TAFA4: variants seen among roughly 807,000 people sequenced by gnomAD.
TAFA4 encodes the protein TAFA chemokine like family member 4.
In TAFA4, 20 loss-of-function variants were observed where a neutral mutation model predicts 21.1. That is an observed-to-expected ratio of 0.95 (90% CI 0.67 to 1.38). TAFA4 has a LOEUF of 1.38. Among genes scored for constraint, TAFA4 ranks in the 40% most tolerant of loss-of-function variants. TAFA4 has a pLI of 0.00. For synonymous variants in TAFA4, 71 were observed against 67.4 expected (o/e 1.05, Z -0.26); for missense variants, 211 against 180.9 (o/e 1.17, Z -0.95).
chr3:68,842,208 G>A (rs568367969), intron 3 of TAFA4, among the ~76,000 whole-genome samples: 6 of 152,176 alleles, frequency 3.9e-5, no homozygotes, highest in South Asian at 4.1e-4. Flanking sequence ...TCCAGCATCT[G>A]TTGTTTCCTG....
chr3:68,919,524 C>T (rs910469813), intron 1 of TAFA4, among the ~76,000 whole-genome samples: 5 of 152,126 alleles, frequency 3.3e-5, no homozygotes, highest in Non-Finnish European at 7.3e-5. Context: ...CTTGCACCAG[C>T]GCTGTCCGAT....
chr3:68,826,365 C>T (rs1177064847), intron 3 of TAFA4, among the ~76,000 whole-genome samples: 4 of 152,030 alleles, frequency 2.6e-5, no homozygotes, highest in South Asian at 4.1e-4. Flanking sequence ...TAAGGTCAGC[C>T]GATCGAGACC....
intron 3 of TAFA4, among the ~76,000 whole-genome samples, chr3:68,849,846 C>T (rs1387585501): frequency 2.0e-5 from 3 of 152,208 alleles, no homozygotes; most frequent in Non-Finnish European, 4.4e-5. Flanking sequence ...TCAACTTCAA[C>T]AGCCCTCAAC....
chr3:68,925,161 A>T (rs1280114784), intron 1 of TAFA4, among the ~76,000 whole-genome samples: 1 of 152,136 alleles, frequency 6.6e-6, no homozygotes, highest in African/African-American at 2.4e-5. Flanking sequence ...AGCCCATGGT[A>T]ACCAATTTTA....
intron 3 of TAFA4, among the ~76,000 whole-genome samples, chr3:68,827,328 T>G (rs1396417910): frequency 5.9e-5 from 9 of 152,172 alleles, no homozygotes; most frequent in Non-Finnish European, 1.3e-4. Flanking sequence ...CTATTATGAA[T>G]AGTGCCACAA....
At chr3:68,739,235 G>C (rs574682267) in intron 4 of TAFA4, 36 bp from the exon 5 acceptor site, 1 of 1,611,242 alleles carries the variant, frequency 6.2e-7, no homozygotes. Flanking sequence ...TTGTGACACT[G>C]TTTCTTCCTC....
At chr3:68,890,715 C>G (rs2089721623) in intron 1 of TAFA4, among the ~76,000 whole-genome samples, 1 of 152,164 alleles carries the variant, frequency 6.6e-6, no homozygotes, top group Admixed American at 6.5e-5. Flanking sequence ...AGTTTCAGTT[C>G]TAGTAAAAGT....
At chr3:68,818,815 A>G (rs1474731904) in intron 3 of TAFA4, among the ~76,000 whole-genome samples, 1 of 152,226 alleles carries the variant, frequency 6.6e-6, no homozygotes, top group African/African-American at 2.4e-5. Context: ...ATCACTGATC[A>G]CAGATCACCA....
At chr3:68,823,803 T>C (rs530628821) in intron 3 of TAFA4, among the ~76,000 whole-genome samples, 64 of 152,350 alleles carry the variant, frequency 4.2e-4, no homozygotes, top group Non-Finnish European at 7.9e-4. Context: ...TATGGCTGCA[T>C]AGTATGCCCA....
At chr3:68,912,114 C>A (rs1190670614) in intron 1 of TAFA4, among the ~76,000 whole-genome samples, 1 of 152,136 alleles carries the variant, frequency 6.6e-6, no homozygotes, top group Non-Finnish European at 1.5e-5. Context: ...GAGAGTCAGT[C>A]TGTTATTTTC....
At chr3:68,792,762 A>G (rs1052321154) in intron 3 of TAFA4, among the ~76,000 whole-genome samples, 2 of 152,166 alleles carry the variant, frequency 1.3e-5, no homozygotes, top group African/African-American at 4.8e-5. Flanking sequence ...GATCTTTTCA[A>G]ATTAACTAGA....
intron 5 of TAFA4, among the ~76,000 whole-genome samples, chr3:68,736,375 A>C (rs746910483): frequency 1.3e-5 from 2 of 152,164 alleles, no homozygotes; most frequent in Non-Finnish European, 2.9e-5. Context: ...ACTCAGTGCC[A>C]ATATTTTATA....
intron 1 of TAFA4, among the ~76,000 whole-genome samples, chr3:68,918,468 G>A (rs941246366): frequency 6.6e-6 from 1 of 152,144 alleles, no homozygotes; most frequent in African/African-American, 2.4e-5. Flanking sequence ...CGAAAAAGAA[G>A]CTCTTGTTTT....
intron 4 of TAFA4, among the ~76,000 whole-genome samples, chr3:68,739,866 A>G (rs1702316887): frequency 6.6e-6 from 1 of 152,170 alleles, no homozygotes; most frequent in African/African-American, 2.4e-5. Flanking sequence ...GAAATTGGAG[A>G]CTTGGAAGGG....
chr3:68,739,006 T>A, intron 5 of TAFA4, 69 bp downstream of exon 5: 1 of 1,589,600 alleles, frequency 6.3e-7, no homozygotes, highest in Non-Finnish European at 8.6e-7. Flanking sequence ...GATGGCAGAA[T>A]AAAATCAAGG....
At chr3:68,766,999 AAGCATG>A (rs1221775053) in intron 3 of TAFA4, among the ~76,000 whole-genome samples, 1 of 152,162 alleles carries the variant, frequency 6.6e-6, no homozygotes, top group African/African-American at 2.4e-5. Flanking sequence ...ACTATCAATA[AAGCATG>A]AGACTTAGCA....
At chr3:68,749,529 C>A (rs889152163) in intron 4 of TAFA4, among the ~76,000 whole-genome samples, 10 of 152,048 alleles carry the variant, frequency 6.6e-5, no homozygotes, top group African/African-American at 2.4e-4. Context: ...GCAGGTAAAG[C>A]TAAAAAGCCC....
intron 5 of TAFA4, among the ~76,000 whole-genome samples, chr3:68,734,340 G>A (rs1206984304): frequency 6.6e-6 from 1 of 152,084 alleles, no homozygotes; most frequent in Non-Finnish European, 1.5e-5. Flanking sequence ...AGAGGAAGAG[G>A]TTGGATAAAC....
At chr3:68,810,258 T>C (rs1338670136) in intron 3 of TAFA4, among the ~76,000 whole-genome samples, 2 of 152,092 alleles carry the variant, frequency 1.3e-5, no homozygotes, top group Admixed American at 1.3e-4. Flanking sequence ...ACGCAGAAGA[T>C]GGGTGATTTC....
Sources: allele counts gnomAD v4.1 joint callset (sites outside exome capture counted in the v4.1 genomes callset), GRCh38; gene constraint gnomAD v4.1.1; transcripts MANE v1.5; gene names NCBI Gene and HGNC (gene_info 2026-07-23, HGNC 2026-07-21).